The following KCNN3 variants were observed in gnomAD, a reference collection of about 807,000 sequenced individuals.
KCNN3 encodes the protein potassium calcium-activated channel subfamily N member 3.
Under a neutral mutation model 62.9 loss-of-function variants are expected in KCNN3, and 16 were observed. The ratio of observed to expected loss-of-function variants is 0.25; its 90% CI spans 0.17 to 0.39. KCNN3 has a LOEUF of 0.39. Among genes scored for constraint, KCNN3 ranks in the 10% least tolerant of loss-of-function variants. The probability of loss-of-function intolerance (pLI) is 1.00; values close to 1 mark genes in which losing one functional copy is unlikely to be tolerated. For synonymous variants in KCNN3, 370 were observed against 389.2 expected, an observed-to-expected ratio of 0.95 and a Z score of 0.58; for missense variants, 599 against 949.4, an observed-to-expected ratio of 0.63 and a Z score of 4.85.
chr1:154,790,494 T>C (rs189171083), intron 2 of KCNN3, among the ~76,000 whole-genome samples: 1 of 152,320 alleles, frequency 6.6e-6, no homozygotes, highest in Admixed American at 6.5e-5. Context: ...TATTTTATAA[T>C]AAAGCATTGA....
chr1:154,780,343 C>G (rs1368942892), intron 2 of KCNN3, among the ~76,000 whole-genome samples: 2 of 150,268 alleles, frequency 1.3e-5, no homozygotes, highest in African/African-American at 4.9e-5. Context: ...TCTCAGCTAT[C>G]AGGGAGGAGA....
chr1:154,813,263 G>A (rs1650509590), intron 2 of KCNN3, among the ~76,000 whole-genome samples: 1 of 148,594 alleles, frequency 6.7e-6, no homozygotes, highest in South Asian at 2.2e-4. Flanking sequence ...TGCCCATGCT[G>A]GGACTGTGAT....
Position 154,709,112 on chromosome 1 carries a change from C to T in KCNN3, c.1900-840G>A, listed in dbSNP as rs143310966. Among the ~76,000 whole-genome samples, 205 of 152,290 alleles carry T rather than the reference C, an allele frequency of 1.3e-3. 1 individual carries two copies. The highest frequency in any genetic ancestry group is 4.3e-3 in the African/African-American group (180 of 41,558). On this transcript the variant is annotated intron_variant, in intron 7 of 7. Transcript: ENST00000271915. Reference sequence around the variant, plus strand: ...CCCCTCCTGCACTCAGCACTGACTCCCCGTGTTCCAGGGGTGCCGGCCGAT... The same window carrying T: ...CCCCTCCTGCACTCAGCACTGACTCTCCGTGTTCCAGGGGTGCCGGCCGAT...
chr1:154,861,457 A>G (rs146241505), intron 1 of KCNN3, among the ~76,000 whole-genome samples: 2 of 152,048 alleles, frequency 1.3e-5, no homozygotes, highest in Non-Finnish European at 2.9e-5. Flanking sequence ...TCCTCCCTAC[A>G]TGCCCCTGTG....
At chr1:154,723,608 T>C (rs985619883) in intron 5 of KCNN3, among the ~76,000 whole-genome samples, 6 of 152,202 alleles carry the variant, frequency 3.9e-5, no homozygotes, top group Non-Finnish European at 8.8e-5. Context: ...TAGCGTCTGA[T>C]CTACTTGGTG....
At chr1:154,731,893 T>G (rs995595356) in intron 4 of KCNN3, among the ~76,000 whole-genome samples, 2 of 152,042 alleles carry the variant, frequency 1.3e-5, no homozygotes, top group South Asian at 4.1e-4. Flanking sequence ...TTTCCTCCTC[T>G]GAAAAAAGTG....
At chr1:154,859,597 G>T in intron 1 of KCNN3, 1 of 1,203,336 alleles carries the variant, frequency 8.3e-7, no homozygotes, top group Non-Finnish European at 1.2e-6. Flanking sequence ...TCAGCTCAAA[G>T]CCACTGACAG....
chr1:154,848,102 C>T (rs557153667), intron 1 of KCNN3, among the ~76,000 whole-genome samples: 3 of 152,338 alleles, frequency 2.0e-5, no homozygotes, highest in Admixed American at 6.5e-5. Context: ...GCCTCCCCCC[C>T]TCCCCAGCCA....
intron 1 of KCNN3, among the ~76,000 whole-genome samples, chr1:154,829,112 A>C (rs1436371126): frequency 6.6e-6 from 1 of 152,182 alleles, no homozygotes; most frequent in African/African-American, 2.4e-5. Flanking sequence ...TCGCCCCGTC[A>C]CCTTGACATC....
chr1:154,790,150 C>T (rs560812353), intron 2 of KCNN3, among the ~76,000 whole-genome samples: 94 of 152,276 alleles, frequency 6.2e-4, no homozygotes, highest in Non-Finnish European at 1.3e-3. Flanking sequence ...AGGCTGGTCT[C>T]GAACTCCTGA....
intron 2 of KCNN3, among the ~76,000 whole-genome samples, chr1:154,800,557 G>A (rs1300558730): frequency 6.6e-6 from 1 of 152,120 alleles, no homozygotes; most frequent in Non-Finnish European, 1.5e-5. Context: ...ATAACCTGGT[G>A]AGGATGCTAG....
rs560866177 is a variant in KCNN3 at position 154,714,938 on chromosome 1, T to C, written c.1767A>G (p.Leu589=). ...TCACTTTGGCATGGTCAATCTTCTTTAGCAGCTTTGTGTGTTTATAGATTA... is the reference window on the plus strand; with the variant it reads ...TCACTTTGGCATGGTCAATCTTCTTCAGCAGCTTTGTGTGTTTATAGATTA... ...TWLIYKHTKL[L]KKIDHAKVRK... Residue 589 remains leucine (L), a synonymous_variant, in exon 6 of 8, where the codon CTA becomes CTG. Transcript: ENST00000271915. The C allele has an allele frequency of 1.3e-4, 203 of 1,613,784 alleles. 1 individual carries two copies. In the South Asian group the frequency reaches 2.0e-3, roughly 16 times the overall value.
At position 154,771,942 on chromosome 1, in the gene KCNN3, G is replaced by A. The variant is rs548334497; in HGVS notation, c.1448+33C>T. ...CTCCTCCCTTCCCTGTCCCAGCACA[G>A]GCTCTGTACTCAGAAAGCCCCATGT... On this transcript the variant is annotated intron_variant, in intron 3 of 7. Transcript: ENST00000271915. 18 of 1,609,780 alleles carry A rather than the reference G, an allele frequency of 1.1e-5. No individual in the cohort carries two copies. In the East Asian group the frequency reaches 2.5e-4, roughly 22 times the overall value.
chr1:154,853,476 C>T (rs1652386775), intron 1 of KCNN3, among the ~76,000 whole-genome samples: 1 of 152,196 alleles, frequency 6.6e-6, no homozygotes, highest in Non-Finnish European at 1.5e-5. Flanking sequence ...GCTGGGACCA[C>T]AGGCACGCAC....
At chr1:154,845,049 C>T (rs576986955) in intron 1 of KCNN3, among the ~76,000 whole-genome samples, 63 of 152,174 alleles carry the variant, frequency 4.1e-4, no homozygotes, top group African/African-American at 1.5e-3. Flanking sequence ...GGGCCACTCA[C>T]CTAAGATCAA....
chr1:154,855,446 C>T (rs1339856642), intron 1 of KCNN3, among the ~76,000 whole-genome samples: 1 of 152,032 alleles, frequency 6.6e-6, no homozygotes, highest in Non-Finnish European at 1.5e-5. Flanking sequence ...TGGTAAGTGC[C>T]CTATACAGGT....
rs552358152 is a variant in KCNN3 at position 154,700,243 on chromosome 1, G to A, written c.*7733C>T. ...GATTTGTTAAAAGGCCAATTCTGAT[G>A]AAGAAGGTTTGATGTGGGGCCTGAG... On this transcript the variant is annotated 3_prime_UTR_variant, in exon 8 of 8. Coordinates refer to ENST00000271915, the MANE Select transcript of KCNN3 (RefSeq NM_002249.6). The A allele has an allele frequency of 6.6e-5, 10 of 152,344 alleles. No homozygotes were observed. In the South Asian group the frequency reaches 1.2e-3, roughly 19 times the overall value. 9.4% of individuals were successfully genotyped at this position (152,344 alleles called of 1,614,324 possible). A position where few individuals can be genotyped will look rare whatever the true frequency, so the allele number is the denominator to read the frequency against.
chr1:154,788,671 C>T (rs572091132), intron 2 of KCNN3, among the ~76,000 whole-genome samples: 75 of 152,250 alleles, frequency 4.9e-4, no homozygotes, highest in African/African-American at 1.7e-3. Context: ...CAGCCCACGC[C>T]GCCAAACCCG....
chr1:154,721,599 C>A (rs1305882059), intron 5 of KCNN3, among the ~76,000 whole-genome samples: 2 of 152,140 alleles, frequency 1.3e-5, no homozygotes, highest in Non-Finnish European at 2.9e-5. Flanking sequence ...CCGCACCCGG[C>A]CCACTCTACC....
Sources: gnomAD v4.1 joint callset for allele counts (sites outside exome capture counted in the v4.1 genomes callset) on GRCh38, gnomAD v4.1.1 for gene constraint, MANE v1.5 for transcripts, NCBI Gene and HGNC (gene_info 2026-07-23, HGNC 2026-07-21) for gene names.